PLEKHA7: variants seen among roughly 807,000 people sequenced by gnomAD.
PLEKHA7 encodes pleckstrin homology domain containing A7.
PLEKHA7 carries 104 observed loss-of-function variants against 170.0 expected under a neutral mutation model. The ratio of observed to expected loss-of-function variants is 0.61; its 90% CI spans 0.52 to 0.72. The LOEUF (loss-of-function observed/expected upper bound fraction) is 0.72, where lower values mean the gene tolerates loss of function less well. Ranked by LOEUF, PLEKHA7 falls within the 30% of genes least tolerant of loss-of-function variation. The pLI, the probability that PLEKHA7 is intolerant of heterozygous loss-of-function variation, is 0.00. For synonymous variants in PLEKHA7, 648 were observed against 660.8 expected, an observed-to-expected ratio of 0.98 and a Z score of 0.30; for missense variants, 1,615 against 1,671.7, an observed-to-expected ratio of 0.97 and a Z score of 0.59.
chr11:16,995,526 C>T (rs900354733), intron 3 of PLEKHA7, among the ~76,000 whole-genome samples: 3 of 152,196 alleles, frequency 2.0e-5, no homozygotes, highest in Non-Finnish European at 4.4e-5. Context: ...GAGTGTTACT[C>T]TCCATGTAGC....
intron 10 of PLEKHA7, among the ~76,000 whole-genome samples, chr11:16,821,653 G>C (rs947774852): frequency 6.6e-6 from 1 of 152,074 alleles, no homozygotes; most frequent in African/African-American, 2.4e-5. Flanking sequence ...GGAAAATGGA[G>C]GAGTTCCTTT....
chr11:17,006,115 A>G (rs1412452761), intron 3 of PLEKHA7, among the ~76,000 whole-genome samples: 1 of 152,154 alleles, frequency 6.6e-6, no homozygotes, highest in Non-Finnish European at 1.5e-5. Context: ...TCATGCCTGT[A>G]ATCCCAGCAC....
intron 4 of PLEKHA7, among the ~76,000 whole-genome samples, chr11:16,858,248 T>C (rs913136347): frequency 6.6e-6 from 1 of 152,194 alleles, no homozygotes; most frequent in African/African-American, 2.4e-5. Flanking sequence ...TGTTTACATA[T>C]GATCAAAATT....
At chr11:16,801,876 C>G in intron 15 of PLEKHA7, 59 bp from the exon 16 acceptor site, 1 of 1,597,652 alleles carries the variant, frequency 6.3e-7, no homozygotes, top group South Asian at 1.1e-5. Context: ...GAGGCCTCCC[C>G]ATACCACACC....
chr11:16,986,948 G>A (rs1045406630), intron 3 of PLEKHA7, among the ~76,000 whole-genome samples: 34 of 152,212 alleles, frequency 2.2e-4, no homozygotes, highest in South Asian at 4.1e-4. Flanking sequence ...GCAGAACACC[G>A]GCAAGGGCAT....
Position 16,790,713 on chromosome 11 carries a change from G to C in PLEKHA7, c.3052+85C>G. The C allele has an allele frequency of 2.9e-6, 4 of 1,370,834 alleles. No homozygotes were observed. The Admixed American group carries it at 5.6e-5, about 19-fold the overall frequency. 84.9% of individuals were successfully genotyped at this position (1,370,834 alleles called of 1,614,324 possible). A position where few individuals can be genotyped will look rare whatever the true frequency, so the allele number is the denominator to read the frequency against. ...GCTCACTCCTAGGCCTAGAGCTGCAGGCAGAAGGGTACGAGGCACCAGCTG... is the reference window on the plus strand; with the variant it reads ...GCTCACTCCTAGGCCTAGAGCTGCACGCAGAAGGGTACGAGGCACCAGCTG... On this transcript the variant is annotated intron_variant, in intron 21 of 26. Transcript: ENST00000531066.
chr11:16,904,205 CAT>C (rs775565945), intron 3 of PLEKHA7, among the ~76,000 whole-genome samples: 83 of 152,312 alleles, frequency 5.4e-4, no homozygotes, highest in Middle Eastern at 3.4e-3. Context: ...TTCCTTCACA[CAT>C]GTCACCTCAT....
At chr11:16,941,820 A>G (rs921094429) in intron 3 of PLEKHA7, among the ~76,000 whole-genome samples, 1 of 152,226 alleles carries the variant, frequency 6.6e-6, no homozygotes, top group Non-Finnish European at 1.5e-5. Context: ...AACCTAATAC[A>G]TAAAGTAAAG....
chr11:16,990,512 T>C (rs1175043530), intron 3 of PLEKHA7, among the ~76,000 whole-genome samples: 1 of 152,158 alleles, frequency 6.6e-6, no homozygotes, highest in Non-Finnish European at 1.5e-5. Context: ...CCTTTCTCAG[T>C]TACTCCTAAG....
intron 26 of PLEKHA7, among the ~76,000 whole-genome samples, chr11:16,782,118 GACACACAT>G (rs1473876552): frequency 2.0e-5 from 3 of 150,474 alleles, no homozygotes; most frequent in East Asian, 2.0e-4. Context: ...CAGACACACA[GACACACAT>G]ACACACACAC....
chr11:16,791,085 G>A lies in PLEKHA7; in HGVS notation c.2860C>T (p.Arg954Trp), dbSNP rs1264870968. The A allele has an allele frequency of 5.6e-6, 9 of 1,614,010 alleles. No homozygotes were observed. The highest frequency in any genetic ancestry group is 6.8e-6 in the Non-Finnish European group (8 of 1,180,032). ...TCGTCTGACTGCCGCTTGAGGCCCC[G>A]CACAGATGTGTGCCGGATGATGGTG... Reference protein sequence around the residue: ...EATIIRHTSVRGLKRQSDERK... With the variant: ...EATIIRHTSVWGLKRQSDERK... The change falls in exon 20 of 27, where the codon CGG (arginine) becomes TGG (tryptophan). Residue 954 changes from arginine to tryptophan, a missense_variant. By Grantham distance (101) the Arg-to-Trp change is moderately radical. Transcript: ENST00000531066. The surrounding 1 kb of genome is among the most constrained non-coding windows in gnomAD (Gnocchi z 4.5).
intron 13 of PLEKHA7, among the ~76,000 whole-genome samples, chr11:16,805,485 T>C (rs1198122160): frequency 6.6e-6 from 1 of 152,044 alleles, no homozygotes; most frequent in African/African-American, 2.4e-5. Flanking sequence ...ATTTCTCTTG[T>C]CCCTTTTTAA....
At chr11:16,869,700 T>C (rs1330590801) in intron 4 of PLEKHA7, among the ~76,000 whole-genome samples, 2 of 152,258 alleles carry the variant, frequency 1.3e-5, no homozygotes, top group Non-Finnish European at 2.9e-5. Context: ...AAATTAGCCA[T>C]GTTTTGGAAA....
At chr11:16,871,972 C>CTTT (rs139139631) in intron 3 of PLEKHA7, among the ~76,000 whole-genome samples, 3 of 136,824 alleles carry the variant, frequency 2.2e-5, no homozygotes, top group African/African-American at 8.4e-5. Flanking sequence ...TAAATGTAGA[C>CTTT]TTTTTTTTTT....
intron 3 of PLEKHA7, among the ~76,000 whole-genome samples, chr11:16,944,165 C>T (rs2136433624): frequency 6.6e-6 from 1 of 151,842 alleles, no homozygotes; most frequent in African/African-American, 2.4e-5. Context: ...ACTAGCCTGG[C>T]CAACATGGTG....
At chr11:16,871,241 G>T in intron 3 of PLEKHA7, 59 bp from the exon 4 acceptor site, 1 of 1,352,914 alleles carries the variant, frequency 7.4e-7, no homozygotes, top group Non-Finnish European at 1.1e-6. Context: ...GTACAGACAC[G>T]ACAGGTCAGT....
At chr11:16,888,703 C>T (rs1012207002) in intron 3 of PLEKHA7, among the ~76,000 whole-genome samples, 14 of 152,206 alleles carry the variant, frequency 9.2e-5, no homozygotes, top group African/African-American at 3.4e-4. Flanking sequence ...GGGACACAAA[C>T]ACTGCGCAAG....
intron 3 of PLEKHA7, among the ~76,000 whole-genome samples, chr11:16,906,930 C>T (rs890232129): frequency 1.4e-5 from 2 of 146,940 alleles, no homozygotes; most frequent in African/African-American, 5.3e-5. Context: ...AGCGCCTCTG[C>T]CCTGCCGCCC....
intron 3 of PLEKHA7, among the ~76,000 whole-genome samples, chr11:16,878,754 G>A (rs780741123): frequency 5.9e-5 from 9 of 152,032 alleles, no homozygotes; most frequent in Admixed American, 1.3e-4. Context: ...GCACCACCAC[G>A]CCCAGCTAAT....
Sources: allele counts gnomAD v4.1 joint callset (sites outside exome capture counted in the v4.1 genomes callset), GRCh38; gene constraint gnomAD v4.1.1; non-coding constraint Gnocchi (gnomAD v3.1); transcripts MANE v1.5; gene names NCBI Gene and HGNC (gene_info 2026-07-23, HGNC 2026-07-21).